Variants in HOMER1 observed in about 807,000 individuals in gnomAD.
HOMER1 encodes homer protein homolog 1.
HOMER1 carries 3 observed loss-of-function variants against 48.9 expected under a neutral mutation model. The ratio of observed to expected loss-of-function variants is 0.06; its 90% confidence interval spans 0.03 to 0.16. HOMER1 has a LOEUF of 0.16. Among genes scored for constraint, HOMER1 ranks in the 10% least tolerant of loss-of-function variants. The probability of loss-of-function intolerance (pLI) is 1.00; values close to 1 mark genes in which losing one functional copy is unlikely to be tolerated. For synonymous variants in HOMER1, 134 were observed against 146.4 expected (o/e 0.92, Z 0.61); for missense variants, 247 against 411.4 (o/e 0.60, Z 3.46).
chr5:79,471,403 G>A (rs564631151), intron 1 of HOMER1, among the ~76,000 whole-genome samples: 17 of 151,932 alleles, frequency 1.1e-4, no homozygotes, highest in African/African-American at 3.1e-4. Context: ...AAAATTAGCC[G>A]GGCATGGTGG....
intron 1 of HOMER1, among the ~76,000 whole-genome samples, chr5:79,473,183 T>C (rs1371109576): frequency 6.6e-6 from 1 of 152,206 alleles, no homozygotes; most frequent in Non-Finnish European, 1.5e-5. Flanking sequence ...CCCAACCAAA[T>C]GATAAATAGA....
At chr5:79,472,922 T>C (rs545105377) in intron 1 of HOMER1, among the ~76,000 whole-genome samples, 16 of 152,226 alleles carry the variant, frequency 1.1e-4, no homozygotes, top group Non-Finnish European at 2.2e-4. Context: ...ATCCAAGTTT[T>C]GCCATCAACT....
At chr5:79,468,027 C>T (rs993322408) in intron 1 of HOMER1, among the ~76,000 whole-genome samples, 2 of 152,126 alleles carry the variant, frequency 1.3e-5, no homozygotes, top group African/African-American at 4.8e-5. Context: ...TCTCACTTTT[C>T]GGCCTCCTAA....
At chr5:79,387,265 T>C (rs1749142848) in intron 8 of HOMER1, among the ~76,000 whole-genome samples, 1 of 151,972 alleles carries the variant, frequency 6.6e-6, no homozygotes, top group African/African-American at 2.4e-5. Context: ...TAGCTAGGAC[T>C]ATAGGTGCAC....
chr5:79,412,818 C>T (rs996656386), intron 5 of HOMER1, among the ~76,000 whole-genome samples: 2 of 152,040 alleles, frequency 1.3e-5, no homozygotes, highest in Admixed American at 1.3e-4. Flanking sequence ...ACGTCAGTGA[C>T]GAGATGACAC....
intron 3 of HOMER1, 76 bp from the exon 4 acceptor site, chr5:79,447,221 T>C: frequency 1.2e-6 from 1 of 861,494 alleles, no homozygotes. Context: ...AGTAAAGTTA[T>C]TCATTTTCTG....
chr5:79,455,267 G>T (rs1057326432), intron 2 of HOMER1, among the ~76,000 whole-genome samples: 1 of 152,152 alleles, frequency 6.6e-6, no homozygotes, highest in Non-Finnish European at 1.5e-5. Context: ...CTTTGCTCAA[G>T]ATCAGATGGT....
intron 1 of HOMER1, among the ~76,000 whole-genome samples, chr5:79,471,269 A>C (rs534722876): frequency 7.9e-5 from 12 of 152,168 alleles, no homozygotes; most frequent in East Asian, 7.7e-4. Flanking sequence ...GGAGGCCAGG[A>C]GCGGTGGCTC....
intron 5 of HOMER1, among the ~76,000 whole-genome samples, chr5:79,429,928 CA>C (rs1750373016): frequency 6.6e-6 from 1 of 151,348 alleles, no homozygotes; most frequent in South Asian, 2.1e-4. Flanking sequence ...GAGGCTGAGG[CA>C]GGGGAATGGC....
At chr5:79,381,009 C>A (rs907011228) in intron 8 of HOMER1, among the ~76,000 whole-genome samples, 3 of 152,174 alleles carry the variant, frequency 2.0e-5, no homozygotes, top group Admixed American at 2.0e-4. Context: ...TGCACTGCTG[C>A]CACTACTGGC....
At chr5:79,453,497 A>G (rs1751084374) in intron 2 of HOMER1, among the ~76,000 whole-genome samples, 1 of 152,206 alleles carries the variant, frequency 6.6e-6, no homozygotes, top group Non-Finnish European at 1.5e-5. Context: ...GAAAACCTTA[A>G]AATGATAGAT....
intron 1 of HOMER1, among the ~76,000 whole-genome samples, chr5:79,489,733 AG>A (rs891061734): frequency 2.9e-4 from 44 of 152,318 alleles, no homozygotes; most frequent in African/African-American, 1.0e-3. Context: ...ATATGATTAT[AG>A]TAATTTTCTC....
At chr5:79,490,287 A>AT (rs529266756) in intron 1 of HOMER1, among the ~76,000 whole-genome samples, 67 of 152,130 alleles carry the variant, frequency 4.4e-4, no homozygotes, top group African/African-American at 1.2e-3. Context: ...TCTTTTATTT[A>AT]TTTTTTTTAT....
intron 5 of HOMER1, among the ~76,000 whole-genome samples, chr5:79,418,920 A>G (rs1232697908): frequency 6.6e-6 from 1 of 152,216 alleles, no homozygotes; most frequent in Non-Finnish European, 1.5e-5. Flanking sequence ...CTACTTTTAA[A>G]CTAGTTTAGA....
In HOMER1 at chr5:79,445,416, C is replaced by A. The variant is rs568591652; in HGVS notation, c.387+1637G>T. 7.2e-5 allele frequency among the ~76,000 whole-genome samples: 11 copies of A among 152,268 alleles called. No individual in the cohort carries two copies. The East Asian group carries it at 2.1e-3, about 29-fold the overall frequency. Reference sequence around the variant, plus strand: ...ATAGTGGCATTCTATATTAATCATACAGTAAAACCACTGTATTATAAAAGT... The same window carrying A: ...ATAGTGGCATTCTATATTAATCATAAAGTAAAACCACTGTATTATAAAAGT... On this transcript the variant is annotated intron_variant, in intron 4 of 8. Transcript: ENST00000334082.
chr5:79,391,511 G>A (rs1749250837), intron 8 of HOMER1, among the ~76,000 whole-genome samples: 1 of 151,758 alleles, frequency 6.6e-6, no homozygotes, highest in South Asian at 2.1e-4. Context: ...TTGGGAGGCC[G>A]AGGTGGGCAG....
chr5:79,476,869 C>T (rs1751794334), intron 1 of HOMER1, among the ~76,000 whole-genome samples: 1 of 152,110 alleles, frequency 6.6e-6, no homozygotes, highest in East Asian at 1.9e-4. Flanking sequence ...TAATTTAATG[C>T]TAATAAACTG....
chr5:79,387,069 T>TTCTCTCTCTCTCTC (rs766145471), intron 8 of HOMER1, among the ~76,000 whole-genome samples: 10 of 132,344 alleles, frequency 7.6e-5, no homozygotes, highest in Admixed American at 3.8e-4. Context: ...TTTCCTTTCT[T>TTCTCTCTCTCTCTC]TCTCTATCTC....
rs1753019499 is a variant in HOMER1 at position 79,513,897 on chromosome 5, T to A, written c.-1123A>T. The A allele has an allele frequency of 6.5e-6, 1 of 154,516 alleles. No homozygotes were observed. The highest frequency in any genetic ancestry group is 1.4e-5 in the Non-Finnish European group (1 of 69,696). The allele number at this position is 154,516 out of a possible 1,614,324, so 9.6% of individuals were successfully genotyped here. A position where few individuals can be genotyped will look rare whatever the true frequency, so the allele number is the denominator to read the frequency against. On this transcript the variant is annotated 5_prime_UTR_variant, in exon 1 of 9. Coordinates refer to ENST00000334082, the MANE Select transcript of HOMER1 (RefSeq NM_004272.5). ...GCTCCAGCGCCCCCACCCCTACTCC[T>A]CGTCTCTCACGCTCCGCGCCGCCGC...
Sources: allele counts gnomAD v4.1 joint callset (sites outside exome capture counted in the v4.1 genomes callset), GRCh38; gene constraint gnomAD v4.1.1; transcripts MANE v1.5; gene names NCBI Gene and HGNC (gene_info 2026-07-23, HGNC 2026-07-21).